The following APBA2 variants were observed in gnomAD, a reference collection of about 807,000 sequenced individuals.
APBA2 encodes the protein amyloid beta precursor protein binding family A member 2.
A neutral mutation model predicts 75.0 loss-of-function variants in APBA2; 30 were observed. The observed-to-expected ratio is 0.40, with a 90% CI of 0.30 to 0.54. The LOEUF is 0.54. Among genes scored for constraint, APBA2 ranks in the 20% least tolerant of loss-of-function variants. APBA2 has a pLI of 0.49. For synonymous variants in APBA2, 444 were observed against 409.6 expected (o/e 1.08, Z -1.01); for missense variants, 801 against 1,016.1 (o/e 0.79, Z 2.88).
intron 3 of APBA2, among the ~76,000 whole-genome samples, chr15:28,999,473 T>G (rs937225612): frequency 2.0e-5 from 3 of 152,228 alleles, no homozygotes; most frequent in African/African-American, 7.2e-5. Flanking sequence ...GAACTCTGCC[T>G]TGCTCCTAAT....
intron 3 of APBA2, among the ~76,000 whole-genome samples, chr15:29,004,445 A>G (rs1012562178): frequency 4.6e-5 from 7 of 152,220 alleles, no homozygotes; most frequent in African/African-American, 1.7e-4. Context: ...GCTAGAGGCC[A>G]TTTCCACATT....
chr15:29,008,729 A>T (rs1247939102), intron 3 of APBA2, among the ~76,000 whole-genome samples: 1 of 152,126 alleles, frequency 6.6e-6, no homozygotes, highest in Non-Finnish European at 1.5e-5. Flanking sequence ...CAAAAAACAA[A>T]TAAAAAAATA....
intron 2 of APBA2, among the ~76,000 whole-genome samples, chr15:28,944,287 C>T (rs1339772119): frequency 6.6e-6 from 1 of 152,156 alleles, no homozygotes; most frequent in Non-Finnish European, 1.5e-5. Context: ...GCCTAGATCA[C>T]CTGCCAACCT....
At position 29,054,746 on chromosome 15, in the gene APBA2, C is replaced by T; in HGVS notation, c.862C>T (p.Pro288Ser). 6.2e-7 allele frequency: 1 copy of T among 1,610,804 alleles called. No individual in the cohort carries two copies. The highest frequency in any genetic ancestry group is 8.5e-7 in the Non-Finnish European group (1 of 1,179,988). Residue 288 changes from proline to serine, a missense_variant, in exon 4 of 15, where the codon CCC becomes TCC. This residue lies in a region of APBA2 where 434 missense variants were observed against 471.6 expected (regional missense o/e 0.92). Transcript: ENST00000683413. The surrounding 1 kb of genome is among the most constrained non-coding windows in gnomAD (Gnocchi z 6.1). Reference sequence around the variant, plus strand: ...GAGGCCCAAGTCGCTGAACCTCCTTCCCGAGGCCAAGCACCCCGGAGACCC... The same window carrying T: ...GAGGCCCAAGTCGCTGAACCTCCTTTCCGAGGCCAAGCACCCCGGAGACCC... ...EARPKSLNLL[P>S]EAKHPGDPQR...
At chr15:29,098,725 G>C in intron 9 of APBA2, 149 bp downstream of exon 9, 1 of 739,722 alleles carries the variant, frequency 1.4e-6, no homozygotes, top group Non-Finnish European at 2.4e-6. Context: ...GCTGCGGGAG[G>C]AGCAAGGAGC....
intron 4 of APBA2, among the ~76,000 whole-genome samples, chr15:29,063,331 G>A (rs1382112004): frequency 7.2e-6 from 1 of 139,376 alleles, no homozygotes; most frequent in Non-Finnish European, 1.6e-5. Flanking sequence ...GAGTTGATCT[G>A]GTCAGTGTCT....
chr15:29,024,103 C>T (rs1165828177), intron 3 of APBA2, among the ~76,000 whole-genome samples: 2 of 151,880 alleles, frequency 1.3e-5, no homozygotes, highest in Admixed American at 6.6e-5. Flanking sequence ...GGGGTTTCAC[C>T]ATGTTAGCCA....
At chr15:29,059,542 T>G (rs2042043212) in intron 4 of APBA2, among the ~76,000 whole-genome samples, 1 of 152,214 alleles carries the variant, frequency 6.6e-6, no homozygotes, top group Non-Finnish European at 1.5e-5. Context: ...CAGGGAAATG[T>G]TAAACTCTTC....
intron 11 of APBA2, 99 bp from the exon 12 acceptor site, chr15:29,106,508 G>C (rs2044413372): frequency 7.4e-7 from 1 of 1,344,850 alleles, no homozygotes; most frequent in African/African-American, 1.4e-5. Context: ...GGCAGGGCGG[G>C]ATGTGCCAGG....
chr15:28,945,373 G>C (rs1422722813), intron 2 of APBA2, among the ~76,000 whole-genome samples: 1 of 152,112 alleles, frequency 6.6e-6, no homozygotes, highest in African/African-American at 2.4e-5. Context: ...AACCACTCTG[G>C]GTGATGTCGT....
intron 2 of APBA2, among the ~76,000 whole-genome samples, chr15:28,944,918 C>T (rs1375849706): frequency 6.6e-6 from 1 of 152,200 alleles, no homozygotes; most frequent in East Asian, 1.9e-4. Flanking sequence ...GGAGTGGAAG[C>T]TGCTAGAAGG....
In APBA2 at chr15:29,065,143, C is replaced by T. The variant is rs16955026; in HGVS notation, c.952-9778C>T. Among the ~76,000 whole-genome samples, 1,339 of 152,140 alleles carry T rather than the reference C, an allele frequency of 8.8e-3. 27 individuals carry two copies. Among genetic ancestry groups the T allele is most frequent in the African/African-American group, 0.031 (1,298 of 41,480 alleles). On this transcript the variant is annotated intron_variant, in intron 4 of 14. Coordinates refer to ENST00000683413, the MANE Select transcript of APBA2 (RefSeq NM_001353788.2). ...GTATGGGACCCAGGCTGTCCACGTG[C>T]GTCTGCTTCTTGAGGCCCCGTACCT... is the stretch of plus-strand genomic sequence containing the variant.
chr15:28,989,770 C>T (rs926959409), intron 2 of APBA2, among the ~76,000 whole-genome samples: 5 of 152,294 alleles, frequency 3.3e-5, no homozygotes, highest in East Asian at 1.9e-4. Context: ...TGCTTGTCTC[C>T]GCACTCCCTG....
intron 12 of APBA2, 111 bp from the exon 13 acceptor site, chr15:29,108,159 A>G (rs750514535): frequency 4.8e-5 from 72 of 1,508,258 alleles, no homozygotes; most frequent in African/African-American, 8.2e-5. Context: ...TGCCTCTCCC[A>G]TTGTGTGTTC....
intron 2 of APBA2, among the ~76,000 whole-genome samples, chr15:28,941,957 G>A (rs1217787893): frequency 6.6e-6 from 1 of 152,066 alleles, no homozygotes; most frequent in African/African-American, 2.4e-5. Context: ...GACACGGTTT[G>A]ACCGTGTTAG....
rs562708924 is a variant in APBA2, at chr15:28,977,453, T to G, written c.-94-18300T>G. ...ATTTTCCTAAGTGAATGAATAGTCA[T>G]CCCCCAGCCTTGTTCCTGGCCTCTA... On this transcript the variant is annotated intron_variant, in intron 2 of 14. Transcript: ENST00000683413. 2.0e-5 allele frequency: 3 copies of G among 152,240 alleles called. 1 individual carries two copies. In the East Asian group the frequency reaches 5.8e-4, roughly 29 times the overall value. 9.4% of individuals were successfully genotyped at this position (152,240 alleles called of 1,614,324 possible).
intron 2 of APBA2, among the ~76,000 whole-genome samples, chr15:28,965,680 A>C (rs889215445): frequency 6.6e-6 from 1 of 152,088 alleles, no homozygotes; most frequent in Non-Finnish European, 1.5e-5. Flanking sequence ...GATCCTGTAC[A>C]TATTTTGTTA....
chr15:29,019,472 C>T (rs148933468), intron 3 of APBA2, among the ~76,000 whole-genome samples: 98 of 152,336 alleles, frequency 6.4e-4, no homozygotes, highest in African/African-American at 2.2e-3. Flanking sequence ...CTACAACCTT[C>T]CTCTCCCTAG....
At chr15:29,028,671 T>C (rs898660266) in intron 3 of APBA2, among the ~76,000 whole-genome samples, 4 of 152,204 alleles carry the variant, frequency 2.6e-5, no homozygotes, top group African/African-American at 9.6e-5. Flanking sequence ...CAGCATTTGT[T>C]GTTTCTTGAC....
Sources: gnomAD v4.1 joint callset for allele counts (sites outside exome capture counted in the v4.1 genomes callset) on GRCh38, gnomAD v4.1.1 for gene constraint, gnomAD v4.1.1 regional missense constraint, Gnocchi (gnomAD v3.1) non-coding constraint, MANE v1.5 for transcripts, NCBI Gene and HGNC (gene_info 2026-07-23, HGNC 2026-07-21) for gene names.